Variants in MCF2L observed in about 807,000 individuals in gnomAD.
The protein encoded by MCF2L is guanine nucleotide exchange factor DBS.
A neutral mutation model predicts 153.4 loss-of-function variants in MCF2L; 97 were observed. That is an observed-to-expected ratio of 0.63 (90% confidence interval 0.54 to 0.75). The LOEUF (loss-of-function observed/expected upper bound fraction) is 0.75. MCF2L is among the 30% of genes least tolerant of loss of function. The pLI is 0.00. For synonymous variants in MCF2L, 659 were observed against 632.2 expected (o/e 1.04, Z -0.64); for missense variants, 1,347 against 1,495.2 (o/e 0.90, Z 1.64).
chr13:112,982,695 T>A (rs3011546), intron 1 of MCF2L, among the ~76,000 whole-genome samples: 38,960 of 151,716 alleles, frequency 0.26, 5,931 homozygotes, highest in Non-Finnish European at 0.34. Context: ...ACCATGCCGC[T>A]TACCCTCAGG....
chr13:112,903,919 C>T (rs1209589765), intron 2 of MCF2L, among the ~76,000 whole-genome samples: 1 of 152,178 alleles, frequency 6.6e-6, no homozygotes, highest in Non-Finnish European at 1.5e-5. Context: ...GTGCAGGGGG[C>T]TTCAGAAGAG....
chr13:112,979,579 G>T, intron 1 of MCF2L: 1 of 1,587,686 alleles, frequency 6.3e-7, no homozygotes, highest in African/African-American at 1.3e-5. Context: ...GAAGGCTGTG[G>T]CTCTAGCATC....
intron 3 of MCF2L, among the ~76,000 whole-genome samples, chr13:113,030,591 A>G (rs1399405095): frequency 6.8e-6 from 1 of 146,512 alleles, no homozygotes; most frequent in African/African-American, 2.6e-5. Context: ...GCAGGTGTGG[A>G]CTCTCAGGTG....
chr13:112,968,653 A>G (rs1317422600), upstream of MCF2L: 1 of 1,521,042 alleles, frequency 6.6e-7, no homozygotes, highest in Admixed American at 2.0e-5. Flanking sequence ...GGCCACACGG[A>G]AGGGGCGCGC....
At position 113,074,371 on chromosome 13, in the gene MCF2L, G is replaced by A. The variant is rs2033223447; in HGVS notation, c.997-73G>A. The A allele has an allele frequency of 1.3e-6, 2 of 1,557,300 alleles. No homozygotes were observed. The highest frequency in any genetic ancestry group is 2.7e-5 in the African/African-American group (2 of 73,750). ...TTGAATTCTGTCATTTCCCTGATCTGGAGCACTGGAGTGGGTTCTCTCTGT... is the reference window on the plus strand; with the variant it reads ...TTGAATTCTGTCATTTCCCTGATCTAGAGCACTGGAGTGGGTTCTCTCTGT... On this transcript the variant is annotated intron_variant, in intron 9 of 29. Transcript: ENST00000535094. The surrounding 1 kb of genome is among the most constrained non-coding windows in gnomAD (Gnocchi z 4.2).
intron 1 of MCF2L, chr13:113,001,966 T>C (rs1378886437): frequency 1.3e-6 from 2 of 1,591,004 alleles, no homozygotes; most frequent in African/African-American, 1.3e-5. Context: ...CTGTGGCTGC[T>C]GCTGAAGGCC....
At chr13:113,067,140 T>C (rs2032499778) in intron 8 of MCF2L, among the ~76,000 whole-genome samples, 1 of 152,270 alleles carries the variant, frequency 6.6e-6, no homozygotes, top group Non-Finnish European at 1.5e-5. Flanking sequence ...GTGACGCTGA[T>C]CCGTGCACAC....
chr13:113,025,816 G>T (rs1456405133), intron 3 of MCF2L, among the ~76,000 whole-genome samples: 1 of 149,348 alleles, frequency 6.7e-6, no homozygotes. Context: ...CCGTGACTGT[G>T]GGTCGGGGCA....
chr13:112,992,925 G>A (rs2082948536), intron 1 of MCF2L, among the ~76,000 whole-genome samples: 1 of 152,242 alleles, frequency 6.6e-6, no homozygotes, highest in African/African-American at 2.4e-5. Context: ...TCGTAAGGGT[G>A]TCTACACTGA....
intron 15 of MCF2L, among the ~76,000 whole-genome samples, chr13:113,079,488 A>G (rs797004339): frequency 3.3e-5 from 5 of 152,278 alleles, no homozygotes; most frequent in African/African-American, 1.2e-4. Context: ...AGACGCTTGG[A>G]ACCACGTCTC....
At chr13:112,949,915 TAAAA>T in intron 2 of MCF2L, among the ~76,000 whole-genome samples, 1 of 147,112 alleles carries the variant, frequency 6.8e-6, no homozygotes, top group South Asian at 2.1e-4. Flanking sequence ...TCAAGAAAAA[TAAAA>T]GGCATATGGA....
In MCF2L at chr13:113,023,152, G is replaced by A. The variant is rs1393737280; in HGVS notation, c.164-1492G>A. On this transcript the variant is annotated intron_variant, in intron 2 of 29. Transcript: ENST00000535094. ...CCGTCACGGTGTGTGGACGCCCCTCGGCTCAGCCCTCTAAGAGACTCGGCA... is the reference window on the plus strand; with the variant it reads ...CCGTCACGGTGTGTGGACGCCCCTCAGCTCAGCCCTCTAAGAGACTCGGCA... Among the ~76,000 whole-genome samples, 6 of 152,236 alleles carry A rather than the reference G, an allele frequency of 3.9e-5. No homozygotes were observed. In the East Asian group the frequency reaches 7.7e-4, roughly 20 times the overall value.
chr13:113,062,160 C>A (rs993804555), intron 5 of MCF2L, among the ~76,000 whole-genome samples: 6 of 151,860 alleles, frequency 4.0e-5, no homozygotes, highest in Admixed American at 1.3e-4. Context: ...AGTGTCTGAA[C>A]AGTCCATTCC....
intron 1 of MCF2L, chr13:112,979,856 C>T (rs993133764): frequency 5.3e-6 from 6 of 1,138,680 alleles, no homozygotes; most frequent in Admixed American, 5.3e-5. Context: ...GTATTTCTCT[C>T]ACCACTTGAC....
rs778981682 is a variant in MCF2L at position 113,096,358 on chromosome 13, C to T, written c.3076-13C>T. 22 of 1,548,802 alleles carry T rather than the reference C, an allele frequency of 1.4e-5. No individual in the cohort carries two copies. Among genetic ancestry groups the T allele is most frequent in the African/African-American group, 6.8e-5 (5 of 73,184 alleles). Reference sequence around the variant, plus strand: ...TGCTGACGCTGTCTGTGCCCCTGCCCGTCTCCCACCAGGTTCCAGGTAAAT... The same window carrying T: ...TGCTGACGCTGTCTGTGCCCCTGCCTGTCTCCCACCAGGTTCCAGGTAAAT... On this transcript the variant is annotated splice_polypyrimidine_tract_variant and intron_variant, in intron 27 of 29. Coordinates refer to ENST00000535094, the MANE Select transcript of MCF2L (RefSeq NM_001112732.3).
chr13:112,984,660 T>C (rs533260373), intron 1 of MCF2L, among the ~76,000 whole-genome samples: 1 of 152,354 alleles, frequency 6.6e-6, no homozygotes, highest in African/African-American at 2.4e-5. Context: ...CTCAGCGGAA[T>C]TCCCCTTTAA....
Position 113,031,895 on chromosome 13 carries a change from C to T in MCF2L, c.278+7137C>T, listed in dbSNP as rs3011509. 0.26 allele frequency among the ~76,000 whole-genome samples: 39,175 copies of T among 151,798 alleles called. 5,581 individuals are homozygous for T. Among genetic ancestry groups the T allele is most frequent in the East Asian group, 0.49 (2,508 of 5,132 alleles). The stretch of plus-strand genomic sequence containing the variant: ...ACACACACACACACACACACAGATG[C>T]ACGCAGACACGCAGGCACTCATGCA... On this transcript the variant is annotated intron_variant, in intron 3 of 29. Transcript: ENST00000535094. The surrounding 1 kb of genome is among the most constrained non-coding windows in gnomAD (Gnocchi z 5.5).
At chr13:113,094,321 C>T (rs961324786) in intron 26 of MCF2L, 193 bp from the exon 27 acceptor site, 31 of 432,256 alleles carry the variant, frequency 7.2e-5, no homozygotes, top group Non-Finnish European at 9.1e-5. Flanking sequence ...AACCCTGAAA[C>T]GTGCCAGGCA....
Position 112,951,697 on chromosome 13 carries a change from A to C in MCF2L, c.169+49326A>C, listed in dbSNP as rs2081695979. On this transcript the variant is annotated intron_variant, in intron 2 of 29. Transcript: ENST00000375608. The surrounding 1 kb of genome is among the most constrained non-coding windows in gnomAD (Gnocchi z 4.8). Reference sequence around the variant, plus strand: ...TGGGAGGAACATGGGTGTGTCCAGGAGGGGCCACAAGAGGGTCCTGTGGGT... The same window carrying C: ...TGGGAGGAACATGGGTGTGTCCAGGCGGGGCCACAAGAGGGTCCTGTGGGT... Among the ~76,000 whole-genome samples, 1 of 152,106 alleles carries C rather than the reference A, an allele frequency of 6.6e-6. No homozygotes were observed. The highest frequency in any genetic ancestry group is 1.5e-5 in the Non-Finnish European group (1 of 68,010).
Sources: gnomAD v4.1 joint callset for allele counts (sites outside exome capture counted in the v4.1 genomes callset) on GRCh38, gnomAD v4.1.1 for gene constraint, Gnocchi (gnomAD v3.1) non-coding constraint, MANE v1.5 for transcripts, NCBI Gene and HGNC (gene_info 2026-07-23, HGNC 2026-07-21) for gene names.